Variants in C6orf118 observed in about 807,000 individuals in gnomAD.
C6orf118 encodes uncharacterized protein C6orf118.
C6orf118 carries 50 observed loss-of-function variants against 50.2 expected under a neutral mutation model. The observed-to-expected ratio is 1.00, with a 90% CI of 0.79 to 1.26. The LOEUF (loss-of-function observed/expected upper bound fraction) is 1.26, where lower values mean the gene tolerates loss of function less well. C6orf118 is among the 50% of genes most tolerant of loss of function. The probability of loss-of-function intolerance (pLI) is 0.00; values close to 1 mark genes in which losing one functional copy is unlikely to be tolerated. For missense variants in C6orf118, 641 were observed against 578.7 expected, an observed-to-expected ratio of 1.11 and a Z score of -1.10; for synonymous variants, 239 against 230.9, an observed-to-expected ratio of 1.03 and a Z score of -0.32.
At chr6:165,293,506 G>T in intron 5 of C6orf118, 35 bp from the exon 6 acceptor site, 1 of 1,558,056 alleles carries the variant, frequency 6.4e-7, no homozygotes, top group Non-Finnish European at 8.8e-7. Flanking sequence ...GGAAATATTA[G>T]ATCCCCATTA....
Position 165,279,826 on chromosome 6 carries a change from C to T in C6orf118, c.*231G>A, listed in dbSNP as rs182481246. 253 of 396,914 alleles carry T rather than the reference C, an allele frequency of 6.4e-4. No individual in the cohort carries two copies. Among genetic ancestry groups the T allele is most frequent in the African/African-American group, 4.7e-3 (229 of 48,296 alleles). The allele number at this position is 396,914 out of a possible 1,614,324, so 24.6% of individuals were successfully genotyped here. On this transcript the variant is annotated 3_prime_UTR_variant, in exon 9 of 9. Coordinates refer to ENST00000230301, the MANE Select transcript of C6orf118 (RefSeq NM_144980.4). Reference sequence around the variant, plus strand: ...CATTATTAAATGAAAGTAAAACATACGTTAAGAACTAGTATTGTTGTAAAT... The same window carrying T: ...CATTATTAAATGAAAGTAAAACATATGTTAAGAACTAGTATTGTTGTAAAT...
chr6:165,294,993 T>C (rs1445627808), intron 5 of C6orf118, among the ~76,000 whole-genome samples: 2 of 152,242 alleles, frequency 1.3e-5, no homozygotes, highest in Non-Finnish European at 1.5e-5. Context: ...TTACATATTA[T>C]AGTTTTAAAT....
chr6:165,301,598 C>T lies in C6orf118; in HGVS notation c.724G>A (p.Ala242Thr), dbSNP rs1780540389. 6.2e-7 allele frequency: 1 copy of T among 1,613,530 alleles called. No individual in the cohort carries two copies. The highest frequency in any genetic ancestry group is 1.7e-5 in the Admixed American group (1 of 59,980). Residue 242 changes from alanine (A) to threonine (T), a missense_variant, in exon 2 of 9, where the codon GCC becomes ACC. Physicochemically the swap from Ala to Thr is moderately conservative, Grantham distance 58. Transcript: ENST00000230301. ...LKNDFTGSKA[A>T]AGHERKLQQE... The stretch of plus-strand genomic sequence containing the variant: ...TGCAGCTTTCTCTCGTGGCCCGCGG[C>T]CGCCTTGCTCCCAGTGAAGTCATTC...
At chr6:165,284,769 A>T (rs1463769715) in intron 7 of C6orf118, among the ~76,000 whole-genome samples, 1 of 152,208 alleles carries the variant, frequency 6.6e-6, no homozygotes, top group Non-Finnish European at 1.5e-5. Flanking sequence ...TCAGACAAGA[A>T]AATGCTGAGG....
intron 3 of C6orf118, 90 bp from the exon 4 acceptor site, chr6:165,299,592 A>G (rs1322969585): frequency 1.0e-6 from 1 of 979,218 alleles, no homozygotes; most frequent in Non-Finnish European, 1.6e-6. Flanking sequence ...GGAAGTCAAG[A>G]ATGTTCATTT....
intron 4 of C6orf118, 95 bp from the exon 5 acceptor site, chr6:165,298,196 C>A: frequency 7.0e-7 from 1 of 1,428,742 alleles, no homozygotes; most frequent in Non-Finnish European, 9.2e-7. Context: ...TCAAGGTGCC[C>A]TGGGTTAACA....
At chr6:165,298,437 T>G (rs1177403046) in intron 4 of C6orf118, among the ~76,000 whole-genome samples, 1 of 152,164 alleles carries the variant, frequency 6.6e-6, no homozygotes, top group Non-Finnish European at 1.5e-5. Context: ...ACCGCAATCG[T>G]TTCCTCTAGG....
chr6:165,301,296 GCACTGCACCGAGAA>G (rs1206140582), intron 2 of C6orf118, among the ~76,000 whole-genome samples: 1 of 151,884 alleles, frequency 6.6e-6, no homozygotes, highest in South Asian at 2.1e-4. Flanking sequence ...TGCACCAAGA[GCACTGCACCGAGAA>G]CACTGCACCG....
Position 165,289,957 on chromosome 6 carries a change from T to C in C6orf118, c.1231A>G (p.Lys411Glu), listed in dbSNP as rs1249627643. Reference sequence around the variant, plus strand: ...TGAACCAAAGTTGTTTTAATTTCTTTTTCCAGAGCTTGTATCTCATCCCAC... The same window carrying C: ...TGAACCAAAGTTGTTTTAATTTCTTCTTCCAGAGCTTGTATCTCATCCCAC... ...SKWDEIQALE[K>E]EIKTTLVHTG... The change falls in exon 7 of 9, where the codon AAA (lysine) becomes GAA (glutamate). Residue 411 changes from lysine (K) to glutamate (E), a missense_variant. Transcript: ENST00000230301. 1.2e-6 allele frequency: 2 copies of C among 1,611,270 alleles called. No individual in the cohort carries two copies. The highest frequency in any genetic ancestry group is 2.7e-5 in the African/African-American group (2 of 74,864).
At chr6:165,309,500 C>T in intron 1 of C6orf118, 62 bp downstream of exon 1, 1 of 1,586,688 alleles carries the variant, frequency 6.3e-7, no homozygotes, top group Middle Eastern at 1.7e-4. Flanking sequence ...GAAGCCCATC[C>T]CTCCACAATT....
chr6:165,297,837 A>C, intron 5 of C6orf118, 140 bp downstream of exon 5: 1 of 1,235,106 alleles, frequency 8.1e-7, no homozygotes, highest in East Asian at 2.3e-5. Context: ...AGAAATAGCC[A>C]GATGACAGGC....
At chr6:165,306,415 G>A (rs1369073579) in intron 1 of C6orf118, among the ~76,000 whole-genome samples, 3 of 132,248 alleles carry the variant, frequency 2.3e-5, no homozygotes, top group African/African-American at 8.6e-5. Flanking sequence ...CATGGCACAT[G>A]TATACATATG....
intron 4 of C6orf118, 95 bp from the exon 5 acceptor site, chr6:165,298,196 C>G: frequency 7.0e-7 from 1 of 1,428,744 alleles, no homozygotes; most frequent in South Asian, 1.5e-5. Flanking sequence ...TCAAGGTGCC[C>G]TGGGTTAACA....
chr6:165,298,045 C>T lies in C6orf118; in HGVS notation c.993G>A (p.Met331Ile). ...TCCTCAGCTCTTCCCTGGCGAGATCCATGTCCGCCGTCTTCACCGGCCTCT... is the reference window on the plus strand; with the variant it reads ...TCCTCAGCTCTTCCCTGGCGAGATCTATGTCCGCCGTCTTCACCGGCCTCT... The part of the protein sequence containing the change: ...LGQRPVKTAD[M>I]DLAREELRML... The change falls in exon 5 of 9, where the codon ATG (methionine) becomes ATA (isoleucine). Residue 331 changes from methionine to isoleucine, a missense_variant. Physicochemically the swap from Met to Ile is conservative, Grantham distance 10. Coordinates refer to ENST00000230301, the MANE Select transcript of C6orf118 (RefSeq NM_144980.4). The T allele has an allele frequency of 6.2e-7, 1 of 1,613,616 alleles. No homozygotes were observed. Among genetic ancestry groups the T allele is most frequent in the Non-Finnish European group, 8.5e-7 (1 of 1,179,784 alleles).
chr6:165,280,085 A>T lies in C6orf118; in HGVS notation c.1382T>A (p.Ile461Asn). 3 of 1,608,498 alleles carry T rather than the reference A, an allele frequency of 1.9e-6. No homozygotes were observed. Among genetic ancestry groups the T allele is most frequent in the Non-Finnish European group, 2.5e-6 (3 of 1,178,552 alleles). The part of the protein sequence containing the change: ...IKGPLEIYQG[I>N]CKIRGNRR ...TCTTCTGTTTCCTCTGATTTTACAAATTCCTTGATAAATTTCCAAAGGCCC... is the reference window on the plus strand; with the variant it reads ...TCTTCTGTTTCCTCTGATTTTACAATTTCCTTGATAAATTTCCAAAGGCCC... The change falls in exon 9 of 9, where the codon ATT becomes AAT. Residue 461 changes from isoleucine (I) to asparagine (N), a missense_variant. Physicochemically the swap from Ile to Asn is moderately radical, Grantham distance 149. Coordinates refer to ENST00000230301, the MANE Select transcript of C6orf118 (RefSeq NM_144980.4).
chr6:165,302,713 G>C (rs1182129950), intron 1 of C6orf118, among the ~76,000 whole-genome samples: 2 of 151,974 alleles, frequency 1.3e-5, no homozygotes, highest in Non-Finnish European at 2.9e-5. Context: ...GGGTTTGGGG[G>C]GTATTCTCAC....
chr6:165,289,841 C>A, intron 7 of C6orf118, 45 bp downstream of exon 7: 1 of 1,385,314 alleles, frequency 7.2e-7, no homozygotes, highest in Non-Finnish European at 9.7e-7. Context: ...CCAAGGTCTT[C>A]AAGCAAAAGA....
intron 6 of C6orf118, among the ~76,000 whole-genome samples, chr6:165,292,668 G>A (rs1780145260): frequency 6.6e-6 from 1 of 152,292 alleles, no homozygotes; most frequent in South Asian, 2.1e-4. Flanking sequence ...GGAAGCAGGT[G>A]ACCTCTGAGC....
chr6:165,301,918 T>C lies in C6orf118; in HGVS notation c.404A>G (p.Gln135Arg), dbSNP rs1216459016. The C allele has an allele frequency of 6.2e-7, 1 of 1,613,646 alleles. No homozygotes were observed. The highest frequency in any genetic ancestry group is 8.5e-7 in the Non-Finnish European group (1 of 1,179,992). Residue 135 changes from glutamine (Q) to arginine (R), a missense_variant, in exon 2 of 9, where the codon CAG becomes CGG. Gln to Arg is a conservative substitution (Grantham distance 43, BLOSUM62 1). Coordinates refer to ENST00000230301, the MANE Select transcript of C6orf118 (RefSeq NM_144980.4). ...DTPLFRYLNP[Q>R]ASLSHTSEED... Reference sequence around the variant, plus strand: ...CTCTGAAGTGTGGGAAAGAGAGGCCTGGGGGTTCAGGTACCTGAACAGCGG... The same window carrying C: ...CTCTGAAGTGTGGGAAAGAGAGGCCCGGGGGTTCAGGTACCTGAACAGCGG...
Sources: gnomAD v4.1 joint callset for allele counts (sites outside exome capture counted in the v4.1 genomes callset) on GRCh38, gnomAD v4.1.1 for gene constraint, MANE v1.5 for transcripts, NCBI Gene and HGNC (gene_info 2026-07-23, HGNC 2026-07-21) for gene names.